Variants in UBASH3B observed in about 807,000 individuals in gnomAD.
UBASH3B encodes the protein ubiquitin-associated and SH3 domain-containing protein B.
In UBASH3B, 37 loss-of-function variants were observed where a neutral mutation model predicts 83.4. The observed-to-expected ratio is 0.44, with a 90% CI of 0.34 to 0.58. The LOEUF (loss-of-function observed/expected upper bound fraction) is 0.58, where lower values mean the gene tolerates loss of function less well. Ranked by LOEUF, UBASH3B falls within the 20% of genes least tolerant of loss-of-function variation. UBASH3B has a pLI of 0.01. For synonymous variants in UBASH3B, 304 were observed against 318.3 expected (o/e 0.96, Z 0.48); for missense variants, 657 against 827.2 (o/e 0.79, Z 2.52).
intron 1 of UBASH3B, among the ~76,000 whole-genome samples, chr11:122,672,153 T>C (rs1863604291): frequency 6.6e-6 from 1 of 151,928 alleles, no homozygotes; most frequent in South Asian, 2.1e-4. Context: ...TGCCGCATTC[T>C]GAAGGTACAA....
At position 122,798,945 on chromosome 11, in the gene UBASH3B, A is replaced by G; in HGVS notation, c.1361A>G (p.Glu454Gly). The G allele has an allele frequency of 6.2e-7, 1 of 1,613,744 alleles. No individual in the cohort carries two copies. Among genetic ancestry groups the G allele is most frequent in the South Asian group, 1.1e-5 (1 of 91,040 alleles). ...TTTTTTGTGGTTTTCTTTGCAGGTG[A>G]AGCCTTATTAGAGAGCAATACCATT... is the stretch of plus-strand genomic sequence containing the variant. Reference protein sequence around the residue: ...FGCMQARLVGEALLESNTIID... With the variant: ...FGCMQARLVGGALLESNTIID... Residue 454 changes from glutamate to glycine, a missense_variant, in exon 10 of 14, where the codon GAA (glutamate) becomes GGA (glycine). Glu to Gly is a moderately conservative substitution (Grantham distance 98, BLOSUM62 -2). Coordinates refer to ENST00000284273, the MANE Select transcript of UBASH3B (RefSeq NM_032873.5).
At chr11:122,731,986 C>T (rs1263607388) in intron 1 of UBASH3B, among the ~76,000 whole-genome samples, 1 of 139,830 alleles carries the variant, frequency 7.2e-6, no homozygotes, top group African/African-American at 2.5e-5. Context: ...TATGTGTCTC[C>T]CACCCCGACG....
rs185520472 is a variant in UBASH3B at position 122,684,842 on chromosome 11, C to T, written c.161+28632C>T. Among the ~76,000 whole-genome samples the T allele has an allele frequency of 1.9e-3, 285 of 152,294 alleles. 1 individual carries two copies. Among genetic ancestry groups the T allele is most frequent in the African/African-American group, 6.4e-3 (265 of 41,564 alleles). On this transcript the variant is annotated intron_variant, in intron 1 of 13. Transcript: ENST00000284273. ...CGAACTCCTGACCTCAGGTGATCCACCCGCCTTGGCCTCCCAAAATGCTGA... is the reference window on the plus strand; with the variant it reads ...CGAACTCCTGACCTCAGGTGATCCATCCGCCTTGGCCTCCCAAAATGCTGA...
chr11:122,714,182 G>A (rs1471260907), intron 1 of UBASH3B, among the ~76,000 whole-genome samples: 1 of 152,180 alleles, frequency 6.6e-6, no homozygotes, highest in African/African-American at 2.4e-5. Context: ...TTTCTTTAGT[G>A]GGGCTCCCCC....
At chr11:122,717,567 A>G (rs746232645) in intron 1 of UBASH3B, among the ~76,000 whole-genome samples, 8 of 152,176 alleles carry the variant, frequency 5.3e-5, no homozygotes, top group South Asian at 2.1e-4. Context: ...GTAAATGTCA[A>G]TTGCCCTCAG....
At chr11:122,686,716 TA>T (rs1412661070) in intron 1 of UBASH3B, among the ~76,000 whole-genome samples, 1 of 152,128 alleles carries the variant, frequency 6.6e-6, no homozygotes, top group Non-Finnish European at 1.5e-5. Flanking sequence ...ACAAATGCCT[TA>T]GTGAAATAAC....
At chr11:122,724,309 T>C (rs1483531281) in intron 1 of UBASH3B, among the ~76,000 whole-genome samples, 2 of 152,226 alleles carry the variant, frequency 1.3e-5, no homozygotes, top group African/African-American at 4.8e-5. Context: ...TGAATTATTA[T>C]GTGTGGAGTG....
intron 1 of UBASH3B, among the ~76,000 whole-genome samples, chr11:122,672,834 G>A (rs118115244): frequency 0.012 from 1,882 of 152,248 alleles, 18 homozygotes; most frequent in Non-Finnish European, 0.02. Context: ...GGAGTCAGGA[G>A]CATACCTAAA....
intron 4 of UBASH3B, among the ~76,000 whole-genome samples, chr11:122,781,152 T>C (rs1860845548): frequency 6.6e-6 from 1 of 151,990 alleles, no homozygotes; most frequent in South Asian, 2.1e-4. Flanking sequence ...GGAGGGGTCC[T>C]CTTTAGACTT....
chr11:122,668,337 G>A (rs1036062931), intron 1 of UBASH3B, among the ~76,000 whole-genome samples: 1 of 152,158 alleles, frequency 6.6e-6, no homozygotes, highest in African/African-American at 2.4e-5. Context: ...AAGAATGGGA[G>A]GATCTGTTCT....
chr11:122,750,907 T>A (rs1861188837), intron 1 of UBASH3B, among the ~76,000 whole-genome samples: 1 of 152,192 alleles, frequency 6.6e-6, no homozygotes, highest in East Asian at 1.9e-4. Context: ...TGCCTTGAGA[T>A]CCTTGACAGA....
chr11:122,735,489 T>C (rs542096151), intron 1 of UBASH3B, among the ~76,000 whole-genome samples: 114 of 152,336 alleles, frequency 7.5e-4, no homozygotes, highest in African/African-American at 2.4e-3. Flanking sequence ...CTCATTCCTT[T>C]AGTTATTAAA....
At chr11:122,686,374 A>T (rs754486459) in intron 1 of UBASH3B, among the ~76,000 whole-genome samples, 8 of 152,206 alleles carry the variant, frequency 5.3e-5, no homozygotes, top group Non-Finnish European at 1.2e-4. Context: ...ACTCAGGTAC[A>T]ATTATTCTGA....
intron 1 of UBASH3B, among the ~76,000 whole-genome samples, chr11:122,747,660 G>C (rs184626562): frequency 6.6e-6 from 1 of 152,332 alleles, no homozygotes; most frequent in Non-Finnish European, 1.5e-5. Flanking sequence ...TTTGGAGACA[G>C]AGTCAAAGCT....
intron 11 of UBASH3B, among the ~76,000 whole-genome samples, chr11:122,802,508 A>G (rs1248313755): frequency 6.6e-6 from 1 of 152,070 alleles, no homozygotes; most frequent in Non-Finnish European, 1.5e-5. Context: ...TTCTTATGTG[A>G]TATCTGTTGA....
At chr11:122,689,531 G>A (rs185656171) in intron 1 of UBASH3B, among the ~76,000 whole-genome samples, 60 of 152,098 alleles carry the variant, frequency 3.9e-4, no homozygotes, top group African/African-American at 9.4e-4. Context: ...CCTTTACACC[G>A]CAACAGCAAT....
intron 1 of UBASH3B, among the ~76,000 whole-genome samples, chr11:122,725,328 C>CAAAAAAAAAAAAAA (rs527272428): frequency 6.8e-5 from 6 of 87,918 alleles, no homozygotes; most frequent in Non-Finnish European, 1.1e-4. Flanking sequence ...GCACCATAAA[C>CAAAAAAAAAAAAAA]AAAAAAAAAA....
chr11:122,744,862 CAT>C (rs1053985012), intron 1 of UBASH3B, among the ~76,000 whole-genome samples: 10 of 67,404 alleles, frequency 1.5e-4, no homozygotes, highest in Admixed American at 5.4e-4. Context: ...AGTATGATCA[CAT>C]GTGTGACTCT....
intron 11 of UBASH3B, among the ~76,000 whole-genome samples, chr11:122,804,293 G>A (rs1861302258): frequency 6.6e-6 from 1 of 152,086 alleles, no homozygotes; most frequent in East Asian, 1.9e-4. Context: ...GGTGATTCAG[G>A]TCTCTACCTA....
Sources: allele counts gnomAD v4.1 joint callset (sites outside exome capture counted in the v4.1 genomes callset), GRCh38; gene constraint gnomAD v4.1.1; transcripts MANE v1.5; gene names NCBI Gene and HGNC (gene_info 2026-07-23, HGNC 2026-07-21).